Variants in TMEM117 observed in about 807,000 individuals in gnomAD.
TMEM117 encodes transmembrane protein 117.
TMEM117 carries 27 observed loss-of-function variants against 52.4 expected under a neutral mutation model. The observed-to-expected ratio is 0.51, with a 90% CI of 0.38 to 0.71. The LOEUF (loss-of-function observed/expected upper bound fraction) is 0.71. Ranked by LOEUF, TMEM117 falls within the 30% of genes least tolerant of loss-of-function variation. The pLI is 0.00. For missense variants in TMEM117, 556 were observed against 630.5 expected (o/e 0.88, Z 1.26); for synonymous variants, 215 against 206.3 (o/e 1.04, Z -0.36).
rs117920033 is a variant in TMEM117, at chr12:43,972,039, G to C, written c.410+27697G>C. ...GTTCTTAATTGGATTATTGGCTTCA[G>C]GGTGGAGCCCTTGGAGGAACAGGGC... On this transcript the variant is annotated intron_variant, in intron 3 of 7. Coordinates refer to ENST00000266534, the MANE Select transcript of TMEM117 (RefSeq NM_032256.3). Among the ~76,000 whole-genome samples, 293 of 152,284 alleles carry C rather than the reference G, an allele frequency of 1.9e-3. 4 individuals are homozygous for C. In the East Asian group the frequency reaches 0.035, roughly 18 times the overall value.
chr12:44,216,005 C>CTTTCTTTTTTTTT, intron 5 of TMEM117, among the ~76,000 whole-genome samples: 1 of 110,840 alleles, frequency 9.0e-6, no homozygotes, highest in Non-Finnish European at 1.8e-5. Flanking sequence ...TTCTTTCTTT[C>CTTTCTTTTTTTTT]TTTTTTTTTT....
intron 2 of TMEM117, among the ~76,000 whole-genome samples, chr12:43,938,367 C>G (rs1944987932): frequency 6.6e-6 from 1 of 151,348 alleles, no homozygotes; most frequent in South Asian, 2.1e-4. Flanking sequence ...CCCAAATGAG[C>G]CCGAATAGAA....
chr12:44,367,345 T>C lies in TMEM117; in HGVS notation c.769-9250T>C, dbSNP rs559317227. Among the ~76,000 whole-genome samples, 3 of 152,290 alleles carry C rather than the reference T, an allele frequency of 2.0e-5. No homozygotes were observed. In the South Asian group the frequency reaches 6.2e-4, roughly 32 times the overall value. On this transcript the variant is annotated intron_variant, in intron 6 of 7. Coordinates refer to ENST00000266534, the MANE Select transcript of TMEM117 (RefSeq NM_032256.3). ...ACAACCCCCATATTGCCAAATCTGA[T>C]GGTTAATATTCAGTCTTTTTATTAC... is the stretch of plus-strand genomic sequence containing the variant.
intron 3 of TMEM117, among the ~76,000 whole-genome samples, chr12:43,986,009 G>A (rs1945841489): frequency 6.6e-6 from 1 of 151,924 alleles, no homozygotes; most frequent in African/African-American, 2.4e-5. Context: ...TTATTTTTTT[G>A]GTCACACATT....
At chr12:44,274,133 AC>A (rs1483082587) in intron 5 of TMEM117, among the ~76,000 whole-genome samples, 2 of 152,312 alleles carry the variant, frequency 1.3e-5, no homozygotes, top group Admixed American at 1.3e-4. Context: ...AAATCAACAT[AC>A]AAAAATCAGT....
At chr12:43,947,504 A>G (rs1410012657) in intron 3 of TMEM117, among the ~76,000 whole-genome samples, 4 of 152,224 alleles carry the variant, frequency 2.6e-5, no homozygotes, top group Non-Finnish European at 4.4e-5. Context: ...GGGTTGTCCT[A>G]GAAGACACCA....
chr12:44,154,721 T>C (rs73099004), intron 4 of TMEM117, among the ~76,000 whole-genome samples: 1,751 of 151,932 alleles, frequency 0.012, 14 homozygotes, highest in Non-Finnish European at 0.018. Flanking sequence ...AAATAAAATT[T>C]AGCAAAGTGA....
chr12:44,024,828 A>G (rs1946507539), intron 3 of TMEM117, among the ~76,000 whole-genome samples: 1 of 152,176 alleles, frequency 6.6e-6, no homozygotes, highest in Non-Finnish European at 1.5e-5. Context: ...ATATGTGTAT[A>G]TATGTATATC....
intron 3 of TMEM117, among the ~76,000 whole-genome samples, chr12:43,975,880 A>C (rs1339143013): frequency 6.6e-6 from 1 of 152,184 alleles, no homozygotes; most frequent in Non-Finnish European, 1.5e-5. Context: ...ATGGAAAAAC[A>C]TACACTGAAA....
intron 3 of TMEM117, among the ~76,000 whole-genome samples, chr12:43,950,716 A>G (rs895125554): frequency 6.6e-6 from 1 of 152,202 alleles, no homozygotes; most frequent in East Asian, 1.9e-4. Flanking sequence ...GTGCACTAAC[A>G]GACAAAATTT....
At chr12:44,071,730 A>G (rs1240666113) in intron 3 of TMEM117, among the ~76,000 whole-genome samples, 1 of 152,214 alleles carries the variant, frequency 6.6e-6, no homozygotes, top group Non-Finnish European at 1.5e-5. Flanking sequence ...GGGGCATCTT[A>G]GGACCTTAAT....
At chr12:44,201,036 C>A (rs1949489087) in intron 4 of TMEM117, among the ~76,000 whole-genome samples, 1 of 152,072 alleles carries the variant, frequency 6.6e-6, no homozygotes, top group African/African-American at 2.4e-5. Context: ...CCAGAAAATG[C>A]TACCAAGGAT....
intron 3 of TMEM117, among the ~76,000 whole-genome samples, chr12:44,128,534 G>T (rs1196471467): frequency 6.6e-6 from 1 of 152,184 alleles, no homozygotes; most frequent in African/African-American, 2.4e-5. Context: ...TGAATAAATA[G>T]CTGACCCTCT....
intron 3 of TMEM117, among the ~76,000 whole-genome samples, chr12:44,027,575 T>C (rs1946562800): frequency 6.6e-6 from 1 of 152,200 alleles, no homozygotes. Flanking sequence ...TGCTACATGA[T>C]TGGATTCCAT....
intron 2 of TMEM117, among the ~76,000 whole-genome samples, chr12:43,866,307 C>T (rs1222283963): frequency 4.0e-5 from 6 of 151,104 alleles, no homozygotes; most frequent in Admixed American, 1.3e-4. Context: ...CCAACATATA[C>T]TTACAAAATG....
At chr12:44,338,092 C>A (rs1398843793) in intron 6 of TMEM117, among the ~76,000 whole-genome samples, 1 of 151,722 alleles carries the variant, frequency 6.6e-6, no homozygotes, top group South Asian at 2.1e-4. Flanking sequence ...TTTAAAGGTT[C>A]ATTAAAGCAG....
chr12:44,283,934 G>T (rs1302605979), intron 5 of TMEM117, among the ~76,000 whole-genome samples: 1 of 152,078 alleles, frequency 6.6e-6, no homozygotes, highest in Non-Finnish European at 1.5e-5. Flanking sequence ...CTTAGGATAG[G>T]GTGAATATGT....
chr12:43,827,345 A>G, the TMEM117 span, among the ~76,000 whole-genome samples: 5 of 152,080 alleles, frequency 3.3e-5, no homozygotes, highest in Non-Finnish European at 7.4e-5. Context: ...CTTCCTCACC[A>G]CCAAGTTGGC....
chr12:44,116,192 TTATTA>T (rs1226390860), intron 3 of TMEM117, among the ~76,000 whole-genome samples: 2 of 152,244 alleles, frequency 1.3e-5, no homozygotes, highest in African/African-American at 4.8e-5. Context: ...CTTGAATTTC[TTATTA>T]TATTCTGTTT....
Sources: gnomAD v4.1 joint callset for allele counts (sites outside exome capture counted in the v4.1 genomes callset) on GRCh38, gnomAD v4.1.1 for gene constraint, MANE v1.5 for transcripts, NCBI Gene and HGNC (gene_info 2026-07-23, HGNC 2026-07-21) for gene names.